The following MOBP variants were observed in gnomAD, a reference collection of about 807,000 sequenced individuals.
MOBP encodes myelin-associated oligodendrocyte basic protein.
Under a neutral mutation model 15.0 loss-of-function variants are expected in MOBP, and 5 were observed. The ratio of observed to expected loss-of-function variants is 0.33; its 90% CI spans 0.17 to 0.70. The LOEUF is 0.70. Ranked by LOEUF, MOBP falls within the 30% of genes least tolerant of loss-of-function variation. The probability of loss-of-function intolerance (pLI) is 0.67; values close to 1 mark genes in which losing one functional copy is unlikely to be tolerated. For missense variants in MOBP, 188 were observed against 257.8 expected, an observed-to-expected ratio of 0.73 and a Z score of 1.85; for synonymous variants, 88 against 99.0, an observed-to-expected ratio of 0.89 and a Z score of 0.66.
At chr3:39,490,806 G>A (rs1307985007) in intron 2 of MOBP, among the ~76,000 whole-genome samples, 3 of 152,142 alleles carry the variant, frequency 2.0e-5, no homozygotes, top group Non-Finnish European at 4.4e-5. Flanking sequence ...TGGGTGATCT[G>A]CCTGCCTCAG....
chr3:39,507,439 T>C (rs1430699870), downstream of MOBP, among the ~76,000 whole-genome samples: 1 of 152,142 alleles, frequency 6.6e-6, no homozygotes, highest in Non-Finnish European at 1.5e-5. Context: ...AGGTAGTTGA[T>C]AAAATAAGTC....
At chr3:39,490,495 A>G (rs973392969) in intron 2 of MOBP, among the ~76,000 whole-genome samples, 1 of 152,162 alleles carries the variant, frequency 6.6e-6, no homozygotes, top group Non-Finnish European at 1.5e-5. Context: ...AATGTTAGAC[A>G]CTTCCTCTTG....
At chr3:39,526,010 C>T (rs1294817621), downstream of MOBP, 1 of 152,336 alleles carries the variant, frequency 6.6e-6, no homozygotes, top group African/African-American at 2.4e-5. Flanking sequence ...GAGGCCATTA[C>T]ATTCCTGGGA....
downstream of MOBP, among the ~76,000 whole-genome samples, chr3:39,503,968 C>T (rs2043014531): frequency 6.6e-6 from 1 of 152,068 alleles, no homozygotes; most frequent in Non-Finnish European, 1.5e-5. Context: ...AGCATTCACC[C>T]CGCAAAGGTA....
intron 2 of MOBP, among the ~76,000 whole-genome samples, chr3:39,495,767 A>G (rs900018747): frequency 6.7e-6 from 1 of 150,004 alleles, no homozygotes; most frequent in Non-Finnish European, 1.5e-5. Flanking sequence ...AAAAAAAAAA[A>G]GAAAAGAAAG....
exon 5 of MOBP, chr3:39,513,805 T>G (rs2043155147): frequency 9.2e-6 from 2 of 216,698 alleles, no homozygotes; most frequent in East Asian, 1.0e-4. Flanking sequence ...CCTCCAAATA[T>G]TCCCTTCTAT....
At chr3:39,506,343 C>T (rs187690934), downstream of MOBP, among the ~76,000 whole-genome samples, 67 of 152,262 alleles carry the variant, frequency 4.4e-4, no homozygotes, top group Admixed American at 6.5e-4. Context: ...TTAGCACCCC[C>T]GCCCCTGGAA....
chr3:39,513,815 T>C (rs759215434), exon 5 of MOBP: 1 of 207,962 alleles, frequency 4.8e-6, no homozygotes, highest in Non-Finnish European at 9.5e-6. Flanking sequence ...TTCCCTTCTA[T>C]CCCTGGCATG....
chr3:39,490,914 G>A (rs2042785773), intron 2 of MOBP, among the ~76,000 whole-genome samples: 1 of 152,068 alleles, frequency 6.6e-6, no homozygotes, highest in Admixed American at 6.5e-5. Flanking sequence ...GTGATGGTGT[G>A]GGTTTTGAGA....
rs1179926622 is a variant in MOBP at position 39,495,750 on chromosome 3, C to CAA, written c.-4-6300_-4-6299dup. ...AATGGGCTACAGAGTGAGACCTTGT[C>CAA]AAAAAAAAAAAAAAAAAGAAAAGAA... On this transcript the variant is annotated intron_variant, in intron 2 of 3. Transcript: ENST00000684792. Among the ~76,000 whole-genome samples the CAA allele has an allele frequency of 5.2e-3, 312 of 60,108 alleles. 4 individuals carry two copies. Among genetic ancestry groups the CAA allele is most frequent in the African/African-American group, 0.013 (216 of 16,556 alleles). The allele number at this position is 60,108 out of a possible 152,430, so 39.4% of individuals were successfully genotyped here.
In MOBP at chr3:39,476,033, A is replaced by G. The variant is rs769992680; in HGVS notation, c.-88-4007A>G. Among the ~76,000 whole-genome samples, 102 of 152,362 alleles carry G rather than the reference A, an allele frequency of 6.7e-4. No homozygotes were observed. In the Middle Eastern group the frequency reaches 0.014, roughly 20 times the overall value. The stretch of plus-strand genomic sequence containing the variant: ...TGGTTTTGCAGGCTGTACAGGAAGC[A>G]TAGCAGCTTCTGTTTCTGGAGAGGC... On this transcript the variant is annotated intron_variant, in intron 1 of 3. Coordinates refer to ENST00000684792, the MANE Select transcript of MOBP (RefSeq NM_001393704.1).
chr3:39,496,113 C>T (rs1192412137), intron 2 of MOBP, among the ~76,000 whole-genome samples: 2 of 151,500 alleles, frequency 1.3e-5, no homozygotes, highest in African/African-American at 4.8e-5. Context: ...TAAATATTTT[C>T]AAAGAAAAAA....
At position 39,469,205 on chromosome 3, in the gene MOBP, CAT is replaced by C. The variant is rs1491497099; in HGVS notation, c.-89+1466_-89+1467del. Among the ~76,000 whole-genome samples the C allele has an allele frequency of 6.2e-4, 37 of 60,022 alleles. 7 individuals are homozygous for C. The Middle Eastern group carries it at 0.045, about 74-fold the overall frequency. 39.4% of individuals were successfully genotyped at this position (60,022 alleles called of 152,430 possible). On this transcript the variant is annotated intron_variant, in intron 1 of 3. Coordinates refer to ENST00000684792, the MANE Select transcript of MOBP (RefSeq NM_001393704.1). ...GTGTGTGTGTGTATATACATATATACATGTGTGTGTATATACATATATACATA... is the reference window on the plus strand; with the variant it reads ...GTGTGTGTGTGTATATACATATATACGTGTGTGTATATACATATATACATA...
chr3:39,474,533 G>A (rs2042516989), intron 1 of MOBP, among the ~76,000 whole-genome samples: 1 of 152,086 alleles, frequency 6.6e-6, no homozygotes, highest in Non-Finnish European at 1.5e-5. Flanking sequence ...TAATTTCCTG[G>A]GGCCACTGTT....
At chr3:39,495,325 ACT>A (rs2042862471) in intron 2 of MOBP, among the ~76,000 whole-genome samples, 1 of 152,078 alleles carries the variant, frequency 6.6e-6, no homozygotes, top group Non-Finnish European at 1.5e-5. Flanking sequence ...TTGAAGAAGA[ACT>A]CATCCATAAT....
At chr3:39,471,868 T>C (rs1348605043) in intron 1 of MOBP, among the ~76,000 whole-genome samples, 1 of 152,220 alleles carries the variant, frequency 6.6e-6, no homozygotes, top group Non-Finnish European at 1.5e-5. Flanking sequence ...AGGCATTGAC[T>C]CAGCTACCAG....
downstream of MOBP, among the ~76,000 whole-genome samples, chr3:39,518,614 T>C (rs1429890505): frequency 6.6e-6 from 1 of 152,172 alleles, no homozygotes; most frequent in East Asian, 1.9e-4. Flanking sequence ...CTGAAAATAC[T>C]TCCCTGGCTC....
intron 3 of MOBP, among the ~76,000 whole-genome samples, chr3:39,524,080 A>G (rs913236541): frequency 6.6e-6 from 1 of 152,174 alleles, no homozygotes; most frequent in African/African-American, 2.4e-5. Context: ...TGGGATTGCC[A>G]CCCTTCAGAC....
intron 2 of MOBP, 86 bp from the exon 3 acceptor site, chr3:39,501,980 G>C: frequency 8.9e-7 from 1 of 1,119,622 alleles, no homozygotes; most frequent in Non-Finnish European, 1.3e-6. Flanking sequence ...GATTATGGGA[G>C]TAGCAGGGGG....
Sources: allele counts gnomAD v4.1 joint callset (sites outside exome capture counted in the v4.1 genomes callset), GRCh38; gene constraint gnomAD v4.1.1; transcripts MANE v1.5; gene names NCBI Gene and HGNC (gene_info 2026-07-23, HGNC 2026-07-21).